DCP2: variants seen among roughly 807,000 people sequenced by gnomAD.
DCP2 encodes decapping mRNA 2.
DCP2 carries 30 observed loss-of-function variants against 56.1 expected under a neutral mutation model. The observed-to-expected ratio is 0.53, with a 90% CI of 0.40 to 0.73. The LOEUF is 0.73. DCP2 is among the 30% of genes least tolerant of loss of function. The pLI, the probability that DCP2 is intolerant of heterozygous loss-of-function variation, is 0.00. For synonymous variants in DCP2, 197 were observed against 163.3 expected, an observed-to-expected ratio of 1.21 and a Z score of -1.57; for missense variants, 533 against 502.7, an observed-to-expected ratio of 1.06 and a Z score of -0.58.
intron 1 of DCP2, among the ~76,000 whole-genome samples, chr5:112,981,212 C>T (rs182762115): frequency 1.4e-3 from 207 of 152,098 alleles, no homozygotes; most frequent in Non-Finnish European, 2.5e-3. Flanking sequence ...GGGATCTTTG[C>T]CCAGCCTGGT....
intron 4 of DCP2, among the ~76,000 whole-genome samples, chr5:112,997,254 T>C (rs1748903034): frequency 6.6e-6 from 1 of 152,238 alleles, no homozygotes; most frequent in Non-Finnish European, 1.5e-5. Context: ...ATAAGTTCTA[T>C]TTAACAGGAC....
chr5:112,978,165 C>G (rs973202014), intron 1 of DCP2, among the ~76,000 whole-genome samples: 11 of 151,994 alleles, frequency 7.2e-5, no homozygotes, highest in African/African-American at 2.4e-4. Flanking sequence ...TTAGTAGAGA[C>G]GGGATTTCAC....
At chr5:113,010,735 G>GTT (rs61417979) in intron 9 of DCP2, 21 bp from the exon 10 acceptor site, 177 of 1,065,252 alleles carry the variant, frequency 1.7e-4, no homozygotes, top group African/African-American at 1.1e-3. Flanking sequence ...GTGTGTGTGT[G>GTT]TTTTTTTTTT....
intron 1 of DCP2, among the ~76,000 whole-genome samples, chr5:112,979,289 C>G (rs1458526231): frequency 6.6e-6 from 1 of 152,052 alleles, no homozygotes; most frequent in Non-Finnish European, 1.5e-5. Context: ...TTTCTCAAAA[C>G]TTCAGATTTT....
At chr5:113,003,715 G>C (rs527400672) in intron 7 of DCP2, among the ~76,000 whole-genome samples, 43 of 152,208 alleles carry the variant, frequency 2.8e-4, no homozygotes, top group Admixed American at 2.8e-3. Context: ...AAAAATAGTA[G>C]TGTATTAATT....
rs1247403458 is a variant in DCP2, at chr5:113,007,927, TG to T, written c.943-8del. On this transcript the variant is annotated splice_polypyrimidine_tract_variant and intron_variant, in intron 8 of 10. Coordinates refer to ENST00000389063, the MANE Select transcript of DCP2 (RefSeq NM_152624.6). ...TATAGATTCATATTATATTTCTTTTTGGGAAAACAGAATCAAAGTATGAGGG... is the reference window on the plus strand; with the variant it reads ...TATAGATTCATATTATATTTCTTTTTGGAAAACAGAATCAAAGTATGAGGG... The T allele has an allele frequency of 6.2e-7, 1 of 1,608,520 alleles. No individual in the cohort carries two copies. Among genetic ancestry groups the T allele is most frequent in the Admixed American group, 1.7e-5 (1 of 59,712 alleles).
intron 4 of DCP2, among the ~76,000 whole-genome samples, chr5:112,998,024 A>G (rs982971606): frequency 3.9e-5 from 6 of 152,252 alleles, no homozygotes; most frequent in Non-Finnish European, 5.9e-5. Flanking sequence ...TAATACAGCA[A>G]TAGATTTGAT....
Position 113,021,692 on chromosome 5 carries a change from T to C in DCP2, c.*8208T>C, listed in dbSNP as rs780166996. Among the ~76,000 whole-genome samples the C allele has an allele frequency of 2.3e-4, 29 of 125,174 alleles. No individual in the cohort carries two copies. The highest frequency in any genetic ancestry group is 3.6e-4 in the African/African-American group (14 of 38,632). 82.1% of individuals were successfully genotyped at this position (125,174 alleles called of 152,430 possible). On this transcript the variant is annotated 3_prime_UTR_variant, in exon 11 of 11. Transcript: ENST00000389063. The stretch of plus-strand genomic sequence containing the variant: ...CAAAAGGAGAGTGACTAAGGTGTTA[T>C]ACTTACTGTCAAAGTTACTTTGCTT...
Position 113,021,456 on chromosome 5 carries a change from A to G in DCP2, c.*7972A>G, listed in dbSNP as rs1350880519. 2.0e-5 allele frequency among the ~76,000 whole-genome samples: 3 copies of G among 151,796 alleles called. No individual in the cohort carries two copies. The highest frequency in any genetic ancestry group is 4.4e-5 in the Non-Finnish European group (3 of 67,974). ...TCTCTGCAAAAATGAAAATACCTCA[A>G]ACAATTAAGTTTGTTGCTTTAAAGC... On this transcript the variant is annotated 3_prime_UTR_variant, in exon 11 of 11. Transcript: ENST00000389063.
intron 1 of DCP2, among the ~76,000 whole-genome samples, chr5:112,979,833 A>G (rs1430311474): frequency 6.6e-6 from 1 of 152,224 alleles, no homozygotes; most frequent in African/African-American, 2.4e-5. Flanking sequence ...AGATGTACAC[A>G]GTATACTGAG....
intron 7 of DCP2, 39 bp from the exon 8 acceptor site, chr5:113,003,903 A>C (rs758374519): frequency 1.2e-6 from 2 of 1,610,210 alleles, no homozygotes; most frequent in Non-Finnish European, 8.5e-7. Flanking sequence ...CTATAAGTGA[A>C]CATTTTCTGA....
chr5:112,999,971 G>T (rs919569781), intron 4 of DCP2, among the ~76,000 whole-genome samples: 1 of 145,146 alleles, frequency 6.9e-6, no homozygotes. Context: ...TGAGGCAGGA[G>T]AATTGCTTGA....
intron 8 of DCP2, among the ~76,000 whole-genome samples, chr5:113,005,054 G>A (rs947404812): frequency 6.6e-6 from 1 of 151,978 alleles, no homozygotes; most frequent in South Asian, 2.1e-4. Context: ...GCTTGAACTC[G>A]GGAAGCAGAG....
At position 113,001,401 on chromosome 5, in the gene DCP2, T is replaced by A; in HGVS notation, c.630T>A (p.Asn210Lys). 1 of 1,613,982 alleles carries A rather than the reference T, an allele frequency of 6.2e-7. No homozygotes were observed. The highest frequency in any genetic ancestry group is 8.5e-7 in the Non-Finnish European group (1 of 1,180,006). ...FSIEKLPCHR[N>K]DMTPKSKLGL... ...TTGAGAAATTGCCTTGTCATAGAAA[T>A]GATATGACCCCCAAATCCAAACTTG... is the stretch of plus-strand genomic sequence containing the variant. Residue 210 changes from asparagine (N) to lysine (K), a missense_variant, in exon 6 of 11, where the codon AAT (asparagine) becomes AAA (lysine). Asn to Lys is a moderately conservative substitution (Grantham distance 94, BLOSUM62 0). Transcript: ENST00000389063.
intron 10 of DCP2, among the ~76,000 whole-genome samples, chr5:113,012,650 T>G (rs1039702917): frequency 1.3e-5 from 2 of 152,188 alleles, no homozygotes; most frequent in African/African-American, 2.4e-5. Flanking sequence ...TATTTTTTTC[T>G]TTTGTTTTTT....
chr5:113,013,616 G>C lies in DCP2; in HGVS notation c.*132G>C. The C allele has an allele frequency of 9.2e-7, 1 of 1,086,602 alleles. No individual in the cohort carries two copies. The highest frequency in any genetic ancestry group is 1.3e-6 in the Non-Finnish European group (1 of 759,392). The allele number at this position is 1,086,602 out of a possible 1,614,324, so 67.3% of individuals were successfully genotyped here. ...GGCAATGTTTCTGAAGACATTTTCT[G>C]TTTATAAGAGAGTAGAAAGAAACAC... On this transcript the variant is annotated 3_prime_UTR_variant, in exon 11 of 11. Coordinates refer to ENST00000389063, the MANE Select transcript of DCP2 (RefSeq NM_152624.6).
chr5:112,982,591 G>T (rs1452706767), intron 1 of DCP2, among the ~76,000 whole-genome samples: 1 of 152,184 alleles, frequency 6.6e-6, no homozygotes, highest in Admixed American at 6.5e-5. Context: ...TTGAGTACCA[G>T]TGTCTAGGTG....
At chr5:112,994,174 T>C (rs1401085610) in intron 4 of DCP2, among the ~76,000 whole-genome samples, 1 of 145,014 alleles carries the variant, frequency 6.9e-6, no homozygotes, top group Non-Finnish European at 1.5e-5. Flanking sequence ...TTTTTTTTTT[T>C]TTTTTTTTTT....
At chr5:112,982,081 C>G (rs926006797) in intron 1 of DCP2, among the ~76,000 whole-genome samples, 13 of 152,082 alleles carry the variant, frequency 8.5e-5, no homozygotes, top group Non-Finnish European at 1.8e-4. Context: ...TCTGGCTATT[C>G]TTGAAATCCA....
Sources: allele counts gnomAD v4.1 joint callset (sites outside exome capture counted in the v4.1 genomes callset), GRCh38; gene constraint gnomAD v4.1.1; transcripts MANE v1.5; gene names NCBI Gene and HGNC (gene_info 2026-07-23, HGNC 2026-07-21).